Variants in RTCA observed in about 807,000 individuals in gnomAD.
RTCA encodes the protein RNA 3'-terminal phosphate cyclase, also known as RNA terminal phosphate cyclase domain 1.
Under a neutral mutation model 46.1 loss-of-function variants are expected in RTCA, and 37 were observed. The observed-to-expected ratio is 0.80, with a 90% confidence interval of 0.62 to 1.06. The LOEUF (loss-of-function observed/expected upper bound fraction) is 1.06. Ranked by LOEUF, RTCA falls within the 50% of genes least tolerant of loss-of-function variation. The pLI, the probability that RTCA is intolerant of heterozygous loss-of-function variation, is 0.00. For missense variants in RTCA, 435 were observed against 455.5 expected, an observed-to-expected ratio of 0.95 and a Z score of 0.41; for synonymous variants, 164 against 158.3, an observed-to-expected ratio of 1.04 and a Z score of -0.27.
At chr1:100,273,269 T>G (rs1463445185) in intron 4 of RTCA, 125 bp from the exon 5 acceptor site, 1 of 549,062 alleles carries the variant, frequency 1.8e-6, no homozygotes, top group African/African-American at 2.0e-5. Flanking sequence ...GCCTACATAT[T>G]CTTATAACAC....
intron 10 of RTCA, among the ~76,000 whole-genome samples, chr1:100,289,059 C>T (rs1198763810): frequency 6.6e-6 from 1 of 151,746 alleles, no homozygotes; most frequent in African/African-American, 2.4e-5. Flanking sequence ...CCTGGCCTTA[C>T]GCGATCTGCC....
chr1:100,277,971 C>T (rs1186345144), intron 8 of RTCA, among the ~76,000 whole-genome samples: 5 of 152,136 alleles, frequency 3.3e-5, no homozygotes. Flanking sequence ...CTGATTGTCT[C>T]ATGATATATT....
chr1:100,278,034 C>T (rs1270220167), intron 8 of RTCA, among the ~76,000 whole-genome samples: 1 of 152,050 alleles, frequency 6.6e-6, no homozygotes, highest in African/African-American at 2.4e-5. Context: ...GTGTACATTC[C>T]ACTGTATCAC....
chr1:100,266,668 T>G, intron 2 of RTCA, 44 bp downstream of exon 2: 60 of 1,442,124 alleles, frequency 4.2e-5, no homozygotes, highest in East Asian at 4.9e-5. Context: ...AGCTGGGGGA[T>G]CGGGGGGTCG....
At chr1:100,285,014 CACTAGTATATTTAAAGGTATAAG>C (rs1179789726) in intron 8 of RTCA, among the ~76,000 whole-genome samples, 191 bp from the exon 9 acceptor site, 1 of 152,108 alleles carries the variant, frequency 6.6e-6, no homozygotes, top group Non-Finnish European at 1.5e-5. Flanking sequence ...TATTTTCCTC[CACTAGTATATTTAAAGGTATAAG>C]ACTTGTGTAT....
At chr1:100,271,033 G>C (rs1297909027) in intron 4 of RTCA, among the ~76,000 whole-genome samples, 1 of 151,724 alleles carries the variant, frequency 6.6e-6, no homozygotes, top group East Asian at 2.0e-4. Flanking sequence ...GAGCTCTAAG[G>C]ATCCTCCCAC....
intron 3 of RTCA, 44 bp from the exon 4 acceptor site, chr1:100,270,513 G>T: frequency 6.2e-7 from 1 of 1,600,952 alleles, no homozygotes; most frequent in East Asian, 2.2e-5. Context: ...AAAAGAAAAT[G>T]CAGAAAAGAA....
intron 8 of RTCA, among the ~76,000 whole-genome samples, chr1:100,280,232 C>T (rs570074713): frequency 9.2e-5 from 14 of 152,176 alleles, no homozygotes; most frequent in Non-Finnish European, 1.9e-4. Flanking sequence ...TGTGAATATA[C>T]GGGGTAGAGT....
At chr1:100,274,798 G>T (rs113537303) in intron 5 of RTCA, 26 bp from the exon 6 acceptor site, 2 of 1,587,986 alleles carry the variant, frequency 1.3e-6, no homozygotes, top group Non-Finnish European at 1.7e-6. Flanking sequence ...ATCAGTTTAT[G>T]TGGGCATTTG....
At chr1:100,279,739 C>T (rs1011727642) in intron 8 of RTCA, among the ~76,000 whole-genome samples, 1 of 152,038 alleles carries the variant, frequency 6.6e-6, no homozygotes, top group Non-Finnish European at 1.5e-5. Flanking sequence ...ATGATTGCAC[C>T]ACTGCATTCC....
At chr1:100,268,440 G>C (rs1394655943) in intron 3 of RTCA, 145 bp downstream of exon 3, 2 of 679,184 alleles carry the variant, frequency 2.9e-6, no homozygotes, top group Non-Finnish European at 4.8e-6. Flanking sequence ...CTCTTGCCCA[G>C]GCGGGGGTGC....
At chr1:100,270,322 G>A (rs1321990885) in intron 3 of RTCA, among the ~76,000 whole-genome samples, 1 of 152,032 alleles carries the variant, frequency 6.6e-6, no homozygotes, top group Admixed American at 6.6e-5. Flanking sequence ...ACCCAGGTTT[G>A]GTTATCATTT....
chr1:100,289,847 A>G (rs1210209778), intron 10 of RTCA, among the ~76,000 whole-genome samples: 7 of 152,226 alleles, frequency 4.6e-5, no homozygotes, highest in African/African-American at 1.7e-4. Context: ...GCAAATAGTT[A>G]TCTGTAAAAT....
chr1:100,279,505 G>GTGGCA (rs1666571965), intron 8 of RTCA, among the ~76,000 whole-genome samples: 1 of 152,180 alleles, frequency 6.6e-6, no homozygotes, highest in Non-Finnish European at 1.5e-5. Flanking sequence ...TCTGGGTGAG[G>GTGGCA]TGGCATGCAG....
Position 100,292,150 on chromosome 1 carries a change from C to A in RTCA, c.*646C>A, listed in dbSNP as rs1487933081. On this transcript the variant is annotated 3_prime_UTR_variant, in exon 11 of 11. Transcript: ENST00000370128. Reference sequence around the variant, plus strand: ...GGTCAGGCTGGTTTCGAACTCCTGACCTCGTGATCTGCCCGCCTCGGCCTC... The same window carrying A: ...GGTCAGGCTGGTTTCGAACTCCTGAACTCGTGATCTGCCCGCCTCGGCCTC... 1 of 152,346 alleles carries A rather than the reference C, an allele frequency of 6.6e-6. No individual in the cohort carries two copies. The highest frequency in any genetic ancestry group is 1.5e-5 in the Non-Finnish European group (1 of 68,234). 9.4% of individuals were successfully genotyped at this position (152,346 alleles called of 1,614,324 possible). A position where few individuals can be genotyped will look rare whatever the true frequency, so the allele number is the denominator to read the frequency against.
intron 2 of RTCA, chr1:100,266,897 C>T: frequency 4.3e-6 from 2 of 463,576 alleles, no homozygotes; most frequent in Non-Finnish European, 7.8e-6. Flanking sequence ...TGTTTTCTCA[C>T]CTCACCGGGC....
chr1:100,288,719 A>G (rs941931074), intron 10 of RTCA, among the ~76,000 whole-genome samples: 1 of 152,214 alleles, frequency 6.6e-6, no homozygotes, highest in African/African-American at 2.4e-5. Flanking sequence ...TAAAGTGACA[A>G]AAGTAACATA....
chr1:100,267,000 G>A (rs1665820027), intron 2 of RTCA: 1 of 267,896 alleles, frequency 3.7e-6, no homozygotes, highest in African/African-American at 2.2e-5. Flanking sequence ...TATAACCAGT[G>A]CATTCTGGTT....
chr1:100,291,245 ATTAAGTT>A lies in RTCA; in HGVS notation c.1000-156_1000-150del, dbSNP rs200155159. On this transcript the variant is annotated intron_variant, in intron 10 of 10. Coordinates refer to ENST00000370128, the MANE Select transcript of RTCA (RefSeq NM_003729.4). Reference sequence around the variant, plus strand: ...CAATGAAATGTGTTATCTTGAGGCTATTAAGTTTCTTTCTCATCAATCATTTGATCTT... The same window carrying A: ...CAATGAAATGTGTTATCTTGAGGCTATCTTTCTCATCAATCATTTGATCTT... Among the ~76,000 whole-genome samples the A allele has an allele frequency of 8.4e-3, 1,273 of 152,292 alleles. 17 individuals are homozygous for A. The highest frequency in any genetic ancestry group is 0.031 in the South Asian group (150 of 4,824).
Sources: allele counts gnomAD v4.1 joint callset (sites outside exome capture counted in the v4.1 genomes callset), GRCh38; gene constraint gnomAD v4.1.1; transcripts MANE v1.5; gene names NCBI Gene and HGNC (gene_info 2026-07-23, HGNC 2026-07-21).